GFRAL: variants seen among roughly 807,000 people sequenced by gnomAD.
GFRAL encodes GDNF family receptor alpha-like.
A neutral mutation model predicts 45.4 loss-of-function variants in GFRAL; 36 were observed. The ratio of observed to expected loss-of-function variants is 0.79; its 90% CI spans 0.61 to 1.05. The LOEUF (loss-of-function observed/expected upper bound fraction) is 1.05, where lower values mean the gene tolerates loss of function less well. GFRAL is among the 50% of genes least tolerant of loss of function. The probability of loss-of-function intolerance (pLI) is 0.00; values close to 1 mark genes in which losing one functional copy is unlikely to be tolerated. For missense variants in GFRAL, 507 were observed against 467.5 expected (o/e 1.08, Z -0.78); for synonymous variants, 166 against 154.1 (o/e 1.08, Z -0.57).
At chr6:55,395,627 A>G (rs954671755) in intron 6 of GFRAL, among the ~76,000 whole-genome samples, 1 of 152,006 alleles carries the variant, frequency 6.6e-6, no homozygotes, top group African/African-American at 2.4e-5. Flanking sequence ...CCCTGTTTCA[A>G]ATTATATCTC....
At chr6:55,376,638 G>A (rs967035261) in intron 6 of GFRAL, among the ~76,000 whole-genome samples, 9 of 151,934 alleles carry the variant, frequency 5.9e-5, no homozygotes, top group Admixed American at 4.6e-4. Flanking sequence ...GCATAGAGGT[G>A]TTTATAGTAT....
At chr6:55,338,221 C>G (rs1587645) in intron 3 of GFRAL, among the ~76,000 whole-genome samples, 73,718 of 151,788 alleles carry the variant, frequency 0.49, 19,298 homozygotes, top group Non-Finnish European at 0.6. Context: ...CCCTGAGTAG[C>G]TGGGATTACA....
intron 2 of GFRAL, among the ~76,000 whole-genome samples, chr6:55,333,390 A>G (rs970810814): frequency 6.6e-6 from 1 of 152,142 alleles, no homozygotes; most frequent in Non-Finnish European, 1.5e-5. Flanking sequence ...ATATCTTTCT[A>G]TAGTCTGAGA....
At chr6:55,380,214 T>C (rs980798934) in intron 6 of GFRAL, among the ~76,000 whole-genome samples, 1 of 151,992 alleles carries the variant, frequency 6.6e-6, no homozygotes, top group African/African-American at 2.4e-5. Flanking sequence ...TTTTCCATAA[T>C]GGCTGCCCTA....
chr6:55,345,293 A>C (rs1286592240), intron 3 of GFRAL, among the ~76,000 whole-genome samples: 1 of 152,218 alleles, frequency 6.6e-6, no homozygotes, highest in Non-Finnish European at 1.5e-5. Flanking sequence ...ACTTCAAACT[A>C]TACTACAAGG....
chr6:55,346,022 A>C (rs1362461299), intron 3 of GFRAL, among the ~76,000 whole-genome samples: 4 of 152,176 alleles, frequency 2.6e-5, no homozygotes, highest in African/African-American at 4.8e-5. Context: ...AATGGCGATC[A>C]TTAAAAAATC....
At chr6:55,369,419 C>T (rs11757181) in intron 6 of GFRAL, among the ~76,000 whole-genome samples, 7,061 of 152,266 alleles carry the variant, frequency 0.046, 246 homozygotes, top group African/African-American at 0.081. Context: ...CGCTCAGGCT[C>T]GGAGCTGTAG....
Position 55,350,156 on chromosome 6 carries a change from T to C in GFRAL, c.370+11T>C. Reference sequence around the variant, plus strand: ...CACGTTCCCATCATGGTAATGTTTTTAAGTTATTATTTTGATCTGCATTGC... The same window carrying C: ...CACGTTCCCATCATGGTAATGTTTTCAAGTTATTATTTTGATCTGCATTGC... On this transcript the variant is annotated intron_variant, in intron 4 of 8. Transcript: ENST00000340465. 6.7e-7 allele frequency: 1 copy of C among 1,494,968 alleles called. No individual in the cohort carries two copies. 92.6% of individuals were successfully genotyped at this position (1,494,968 alleles called of 1,614,324 possible).
At chr6:55,340,188 C>T (rs889982127) in intron 3 of GFRAL, among the ~76,000 whole-genome samples, 3 of 152,180 alleles carry the variant, frequency 2.0e-5, no homozygotes, top group Middle Eastern at 3.4e-3. Context: ...TTAAATCTTA[C>T]CATTCCTTCT....
chr6:55,361,760 T>A (rs79956903), intron 6 of GFRAL, among the ~76,000 whole-genome samples: 4,205 of 152,120 alleles, frequency 0.028, 79 homozygotes, highest in African/African-American at 0.05. Context: ...TTGCCCCGAC[T>A]TCTCACATCA....
At chr6:55,366,225 T>C (rs897032936) in intron 6 of GFRAL, among the ~76,000 whole-genome samples, 9 of 151,962 alleles carry the variant, frequency 5.9e-5, no homozygotes, top group African/African-American at 9.7e-5. Context: ...AGTTTATTTG[T>C]GTAGAGGTGT....
chr6:55,358,402 A>G (rs970531840), intron 5 of GFRAL, among the ~76,000 whole-genome samples: 41 of 151,986 alleles, frequency 2.7e-4, no homozygotes, highest in African/African-American at 8.5e-4. Flanking sequence ...ACCTCACAAC[A>G]TATTGTAAAT....
chr6:55,387,722 C>G (rs1028688356), intron 6 of GFRAL, among the ~76,000 whole-genome samples: 3 of 152,196 alleles, frequency 2.0e-5, no homozygotes, highest in African/African-American at 4.8e-5. Context: ...ATTTTCTCAA[C>G]CCATCTGCTG....
chr6:55,357,437 GT>G (rs1329770252), intron 5 of GFRAL, among the ~76,000 whole-genome samples: 4 of 151,320 alleles, frequency 2.6e-5, no homozygotes, highest in African/African-American at 9.7e-5. Context: ...TCTTTTTATA[GT>G]TTTTTTCTTG....
chr6:55,337,512 T>A lies in GFRAL; in HGVS notation c.316+3568T>A, dbSNP rs6902341. Among the ~76,000 whole-genome samples, 287 of 152,318 alleles carry A rather than the reference T, an allele frequency of 1.9e-3. 1 individual carries two copies. Among genetic ancestry groups the A allele is most frequent in the African/African-American group, 5.2e-3 (218 of 41,570 alleles). On this transcript the variant is annotated intron_variant, in intron 3 of 8. Coordinates refer to ENST00000340465, the MANE Select transcript of GFRAL (RefSeq NM_207410.2). The stretch of plus-strand genomic sequence containing the variant: ...TCCTTCCTTACATGATCTATTTCAT[T>A]AACCAGTAAAGATATCTGGCCCATG...
intron 6 of GFRAL, among the ~76,000 whole-genome samples, chr6:55,392,337 T>C (rs545550271): frequency 6.6e-6 from 1 of 152,364 alleles, no homozygotes; most frequent in South Asian, 2.1e-4. Flanking sequence ...ATTGTCATTA[T>C]GCTAGCTTTG....
At chr6:55,374,505 G>A (rs142851932) in intron 6 of GFRAL, among the ~76,000 whole-genome samples, 1 of 152,062 alleles carries the variant, frequency 6.6e-6, no homozygotes, top group Non-Finnish European at 1.5e-5. Context: ...ATTTGTTTAA[G>A]TTACTTGTAG....
At position 55,367,623 on chromosome 6, in the gene GFRAL, G is replaced by T. The variant is rs1768383215; in HGVS notation, c.952+8485G>T. On this transcript the variant is annotated intron_variant, in intron 6 of 8. Transcript: ENST00000340465. ...TTTAGTGCTTCCTTCAGGAACTCTTGTAAGGCAGGCCTGGTGGTGACAAAA... is the reference window on the plus strand; with the variant it reads ...TTTAGTGCTTCCTTCAGGAACTCTTTTAAGGCAGGCCTGGTGGTGACAAAA... Among the ~76,000 whole-genome samples the T allele has an allele frequency of 2.0e-5, 3 of 151,496 alleles. No homozygotes were observed. In the East Asian group the frequency reaches 5.8e-4, roughly 29 times the overall value.
rs1198567397 is a variant in GFRAL at position 55,402,103 on chromosome 6, G to A, written c.*250G>A. On this transcript the variant is annotated 3_prime_UTR_variant, in exon 9 of 9. Transcript: ENST00000340465. ...GTGATTTTCCTGCCTCAGCCTTCCCGAGTAGCTGGGATTACAGGTACCCGC... is the reference window on the plus strand; with the variant it reads ...GTGATTTTCCTGCCTCAGCCTTCCCAAGTAGCTGGGATTACAGGTACCCGC... 5 of 306,142 alleles carry A rather than the reference G, an allele frequency of 1.6e-5. No homozygotes were observed. The highest frequency in any genetic ancestry group is 6.4e-5 in the East Asian group (1 of 15,612). The allele number at this position is 306,142 out of a possible 1,614,324, so 19.0% of individuals were successfully genotyped here.
Sources: gnomAD v4.1 joint callset for allele counts (sites outside exome capture counted in the v4.1 genomes callset) on GRCh38, gnomAD v4.1.1 for gene constraint, MANE v1.5 for transcripts, NCBI Gene and HGNC (gene_info 2026-07-23, HGNC 2026-07-21) for gene names.